Variants in HPS5 observed in about 807,000 individuals in gnomAD.
HPS5 encodes BLOC-2 complex member HPS5.
A neutral mutation model predicts 128.0 loss-of-function variants in HPS5; 83 were observed. The ratio of observed to expected loss-of-function variants is 0.65; its 90% CI spans 0.54 to 0.78. The LOEUF is 0.78. Ranked by LOEUF, HPS5 falls within the 30% of genes least tolerant of loss-of-function variation. The pLI is 0.00. For synonymous variants in HPS5, 475 were observed against 470.2 expected (o/e 1.01, Z -0.13); for missense variants, 1,281 against 1,326.2 (o/e 0.97, Z 0.53).
intron 8 of HPS5, among the ~76,000 whole-genome samples, chr11:18,301,538 C>T (rs768193704): frequency 6.6e-6 from 1 of 150,874 alleles, no homozygotes; most frequent in Non-Finnish European, 1.5e-5. Flanking sequence ...ACCTGATGTT[C>T]GTTAAAGCAG....
In HPS5 at chr11:18,298,848, A is replaced by G. The variant is rs1861381087; in HGVS notation, c.1108T>C (p.Trp370Arg). The G allele has an allele frequency of 6.2e-7, 1 of 1,614,106 alleles. No individual in the cohort carries two copies. Among genetic ancestry groups the G allele is most frequent in the African/African-American group, 1.3e-5 (1 of 74,930 alleles). The part of the protein sequence containing the change: ...CVERLLRRGL[W>R]NLAARTCCLF... ...CAGCATGTACGAGCAGCCAAGTTCC[A>G]TAGGCCTCTTCTTAGCAGGCGTTCC... The change falls in exon 10 of 23, where the codon TGG becomes CGG. Residue 370 changes from tryptophan (W) to arginine (R), a missense_variant. Coordinates refer to ENST00000349215, the MANE Select transcript of HPS5 (RefSeq NM_181507.2).
chr11:18,281,261 T>TC (rs1385558101), intron 22 of HPS5, among the ~76,000 whole-genome samples: 3 of 150,718 alleles, frequency 2.0e-5, no homozygotes, highest in African/African-American at 7.3e-5. Context: ...TTGCATTTTT[T>TC]TTTTTTTTTT....
intron 2 of HPS5, among the ~76,000 whole-genome samples, 175 bp from the exon 3 acceptor site, chr11:18,312,199 G>A (rs1362604551): frequency 6.6e-6 from 1 of 152,150 alleles, no homozygotes; most frequent in Non-Finnish European, 1.5e-5. Context: ...AAAAAATACT[G>A]AAGAAAGAAC....
chr11:18,321,556 T>G (rs1054885879), intron 1 of HPS5, among the ~76,000 whole-genome samples: 1 of 152,242 alleles, frequency 6.6e-6, no homozygotes, highest in Non-Finnish European at 1.5e-5. Flanking sequence ...AATACGCGTC[T>G]CCTGAATCCA....
intron 5 of HPS5, 56 bp downstream of exon 5, chr11:18,310,685 T>A: frequency 7.4e-7 from 1 of 1,354,616 alleles, no homozygotes; most frequent in South Asian, 1.3e-5. Context: ...TTGGAAGTTT[T>A]ATAAGACAAC....
rs374563159 is a variant in HPS5, at chr11:18,310,961, C to T, written c.285-28G>A. Reference sequence around the variant, plus strand: ...GCAAGAATTGAGTCACAGAGGCAAACGTGGCAACAGTGAACAAGGTACAAT... The same window carrying T: ...GCAAGAATTGAGTCACAGAGGCAAATGTGGCAACAGTGAACAAGGTACAAT... On this transcript the variant is annotated intron_variant, in intron 4 of 22. Transcript: ENST00000349215. 10 of 1,587,252 alleles carry T rather than the reference C, an allele frequency of 6.3e-6. No individual in the cohort carries two copies. In the African/African-American group the frequency reaches 8.1e-5, roughly 13 times the overall value.
rs202244956 is a variant in HPS5, at chr11:18,294,831, T to TA, written c.1784+188dup. On this transcript the variant is annotated intron_variant, in intron 14 of 22. Transcript: ENST00000349215. ...ACATTAACAATAGCTGATGAGCTAT[T>TA]AAAAAAAAAAATCACAAAAAAACTC... Among the ~76,000 whole-genome samples the TA allele has an allele frequency of 0.14, 20,822 of 148,128 alleles. 1,526 individuals carry two copies. The highest frequency in any genetic ancestry group is 0.19 in the African/African-American group (7,802 of 40,486).
chr11:18,279,842 T>G lies in HPS5; in HGVS notation c.*40A>C. The G allele has an allele frequency of 1.9e-6, 3 of 1,589,588 alleles. No individual in the cohort carries two copies. Among genetic ancestry groups the G allele is most frequent in the South Asian group, 2.2e-5 (2 of 90,522 alleles). ...GAAGGTTCAGGAGCATGATTTAGTT[T>G]TTCTCAAAATGTCATGACATCCTGC... On this transcript the variant is annotated 3_prime_UTR_variant, in exon 23 of 23. Coordinates refer to ENST00000349215, the MANE Select transcript of HPS5 (RefSeq NM_181507.2).
intron 8 of HPS5, 29 bp downstream of exon 8, chr11:18,305,393 C>G (rs774931535): frequency 2.8e-6 from 4 of 1,421,428 alleles, no homozygotes; most frequent in Non-Finnish European, 4.0e-6. Context: ...TCTTTTTCCC[C>G]CCCAGAACTA....
chr11:18,285,537 G>T, intron 19 of HPS5, 78 bp from the exon 20 acceptor site: 2 of 991,490 alleles, frequency 2.0e-6, no homozygotes, highest in Non-Finnish European at 3.2e-6. Flanking sequence ...TAATAGGTAA[G>T]AATAGAGTTT....
Position 18,311,465 on chromosome 11 carries a change from G to T in HPS5, c.220-14C>A. 1 of 1,500,132 alleles carries T rather than the reference G, an allele frequency of 6.7e-7. No individual in the cohort carries two copies. Among genetic ancestry groups the T allele is most frequent in the Non-Finnish European group, 9.1e-7 (1 of 1,094,380 alleles). The allele number at this position is 1,500,132 out of a possible 1,614,324, so 92.9% of individuals were successfully genotyped here. On this transcript the variant is annotated splice_polypyrimidine_tract_variant and intron_variant, in intron 3 of 22. Transcript: ENST00000349215. Reference sequence around the variant, plus strand: ...AATTGCACCTTCCTAGAGCACAAAAGAAAATACATTTTTTAAATCTCAAGT... The same window carrying T: ...AATTGCACCTTCCTAGAGCACAAAATAAAATACATTTTTTAAATCTCAAGT...
At position 18,290,787 on chromosome 11, in the gene HPS5, G is replaced by A. The variant is rs75427983; in HGVS notation, c.2440+655C>T. On this transcript the variant is annotated intron_variant, in intron 16 of 22. Coordinates refer to ENST00000349215, the MANE Select transcript of HPS5 (RefSeq NM_181507.2). ...AAAAATGAAGAAATCAGAGGGTACA[G>A]TGGCACATGCCTGTAATCCCACGAC... is the stretch of plus-strand genomic sequence containing the variant. 2.8e-3 allele frequency among the ~76,000 whole-genome samples: 425 copies of A among 152,320 alleles called. 5 individuals carry two copies. The highest frequency in any genetic ancestry group is 9.5e-3 in the African/African-American group (393 of 41,570).
At chr11:18,288,886 G>T (rs1279637145) in intron 16 of HPS5, among the ~76,000 whole-genome samples, 1 of 152,046 alleles carries the variant, frequency 6.6e-6, no homozygotes, top group African/African-American at 2.4e-5. Context: ...GCATGTGTGT[G>T]TGTGTAGAGA....
In HPS5 at chr11:18,291,576, G is replaced by C; in HGVS notation, c.2306C>G (p.Ser769Cys). Reference protein sequence around the residue: ...GHVDHTLQQYSPEILACQFLK... With the variant: ...GHVDHTLQQYCPEILACQFLK... ...GAACTGGCAAGCCAGAATTTCAGGA[G>C]AGTACTGTTGCAAAGTGTGGTCCAC... The change falls in exon 16 of 23, where the codon TCT becomes TGT. Residue 769 changes from serine (S) to cysteine (C), a missense_variant. Coordinates refer to ENST00000349215, the MANE Select transcript of HPS5 (RefSeq NM_181507.2). 6.2e-7 allele frequency: 1 copy of C among 1,612,578 alleles called. No individual in the cohort carries two copies. The highest frequency in any genetic ancestry group is 1.3e-5 in the African/African-American group (1 of 75,028).
At chr11:18,306,811 A>T (rs1862422921) in intron 6 of HPS5, among the ~76,000 whole-genome samples, 1 of 152,160 alleles carries the variant, frequency 6.6e-6, no homozygotes, top group South Asian at 2.1e-4. Context: ...CTTTTTCCTC[A>T]AAAACCCAGG....
chr11:18,305,819 G>GC (rs1234634908), intron 7 of HPS5, among the ~76,000 whole-genome samples: 5 of 148,452 alleles, frequency 3.4e-5, no homozygotes, highest in African/African-American at 1.2e-4. Flanking sequence ...TGCAAGCTCC[G>GC]CCTCCCTTCA....
intron 2 of HPS5, among the ~76,000 whole-genome samples, chr11:18,316,246 G>A (rs1863612101): frequency 6.6e-6 from 1 of 151,788 alleles, no homozygotes; most frequent in Non-Finnish European, 1.5e-5. Context: ...AGTGAGCTAG[G>A]ATCTCCCCAT....
intron 16 of HPS5, among the ~76,000 whole-genome samples, chr11:18,290,623 A>G (rs1307782003): frequency 6.6e-6 from 1 of 152,230 alleles, no homozygotes; most frequent in African/African-American, 2.4e-5. Flanking sequence ...TATGAGAGAA[A>G]TAAAACTAAT....
rs1486719826 is a variant in HPS5, at chr11:18,286,619, T to C, written c.2809A>G (p.Ser937Gly). ...GGATAACCTTCATCATCCATTGTGC[T>C]GGTGCTTGGTGGAGCATCAAGGGAC... ...AVSLDAPPST[S>G]TMDDEGYPRP... Residue 937 changes from serine (S) to glycine (G), a missense_variant, in exon 19 of 23, where the codon AGC (serine) becomes GGC (glycine). Physicochemically the swap from Ser to Gly is moderately conservative, Grantham distance 56. Transcript: ENST00000349215. 1 of 1,614,060 alleles carries C rather than the reference T, an allele frequency of 6.2e-7. No individual in the cohort carries two copies. Among genetic ancestry groups the C allele is most frequent in the South Asian group, 1.1e-5 (1 of 91,074 alleles).
Sources: gnomAD v4.1 joint callset for allele counts (sites outside exome capture counted in the v4.1 genomes callset) on GRCh38, gnomAD v4.1.1 for gene constraint, MANE v1.5 for transcripts, NCBI Gene and HGNC (gene_info 2026-07-23, HGNC 2026-07-21) for gene names.